The following CPS1 variants were observed in gnomAD, a reference collection of about 807,000 sequenced individuals.
CPS1 encodes carbamoyl-phosphate synthase [ammonia], mitochondrial.
A neutral mutation model predicts 174.6 loss-of-function variants in CPS1; 109 were observed. The observed-to-expected ratio is 0.62, with a 90% CI of 0.53 to 0.73. The LOEUF (loss-of-function observed/expected upper bound fraction) is 0.73, where lower values mean the gene tolerates loss of function less well. CPS1 is among the 30% of genes least tolerant of loss of function. The pLI, the probability that CPS1 is intolerant of heterozygous loss-of-function variation, is 0.00. For missense variants in CPS1, 1,689 were observed against 1,821.9 expected (o/e 0.93, Z 1.33); for synonymous variants, 637 against 632.0 (o/e 1.01, Z -0.12).
chr2:210,541,533 C>A (rs943145947), intron 1 of CPS1, among the ~76,000 whole-genome samples: 21 of 152,102 alleles, frequency 1.4e-4, no homozygotes, highest in African/African-American at 4.8e-4. Flanking sequence ...AGGGCTTTTA[C>A]CCCTCTTATG....
At position 210,622,913 on chromosome 2, in the gene CPS1, T is replaced by C. The variant is rs1477136002; in HGVS notation, c.2687+6372T>C. ...TGTTTTTTTGGTTTCTTTAGCTATT[T>C]CTGACTGACATATCCAGCTTGGAGA... On this transcript the variant is annotated intron_variant, in intron 21 of 37. Coordinates refer to ENST00000233072, the MANE Select transcript of CPS1 (RefSeq NM_001875.5). Among the ~76,000 whole-genome samples, 4 of 152,086 alleles carry C rather than the reference T, an allele frequency of 2.6e-5. No homozygotes were observed. The East Asian group carries it at 7.7e-4, about 29-fold the overall frequency.
intron 1 of CPS1, among the ~76,000 whole-genome samples, chr2:210,513,475 G>A (rs945766924): frequency 4.6e-5 from 7 of 151,164 alleles, no homozygotes; most frequent in South Asian, 2.1e-4. Flanking sequence ...GAAGACATAC[G>A]TTGTATGTCT....
At chr2:210,593,426 TG>T in intron 11 of CPS1, 1 of 1,032,526 alleles carries the variant, frequency 9.7e-7, no homozygotes. Flanking sequence ...AGGGCATGCA[TG>T]CACATACATA....
At chr2:210,569,070 T>G (rs1290302343) in intron 1 of CPS1, among the ~76,000 whole-genome samples, 4 of 152,084 alleles carry the variant, frequency 2.6e-5, no homozygotes, top group African/African-American at 9.7e-5. Context: ...TTCACTAAAG[T>G]GTGAACAAAG....
chr2:210,664,032 C>G (rs1387095058), intron 33 of CPS1, among the ~76,000 whole-genome samples: 1 of 152,148 alleles, frequency 6.6e-6, no homozygotes, highest in Non-Finnish European at 1.5e-5. Flanking sequence ...CAAGCAAGAT[C>G]TGTGATGAGA....
At chr2:210,499,642 C>T (rs1362650347) in intron 1 of CPS1, among the ~76,000 whole-genome samples, 1 of 152,168 alleles carries the variant, frequency 6.6e-6, no homozygotes, top group Non-Finnish European at 1.5e-5. Flanking sequence ...GCAGCTTTTC[C>T]CTGTGTCTTT....
intron 2 of CPS1, 46 bp downstream of exon 2, chr2:210,573,453 A>G: frequency 1.5e-6 from 2 of 1,372,118 alleles, no homozygotes; most frequent in Non-Finnish European, 2.1e-6. Context: ...TAGTAGAGAA[A>G]TAACTGGAAG....
chr2:210,487,564 G>A (rs1694763218), intron 1 of CPS1, among the ~76,000 whole-genome samples: 1 of 152,190 alleles, frequency 6.6e-6, no homozygotes, highest in Non-Finnish European at 1.5e-5. Flanking sequence ...GGAATGAGGG[G>A]TGAGGACTTT....
intron 34 of CPS1, 129 bp from the exon 35 acceptor site, chr2:210,674,773 G>C (rs182698758): frequency 1.1e-5 from 9 of 789,120 alleles, no homozygotes; most frequent in African/African-American, 1.0e-4. Context: ...GATAAAACTT[G>C]TCATTTTTTA....
chr2:210,514,901 T>A (rs1695636983), intron 1 of CPS1, among the ~76,000 whole-genome samples: 1 of 151,254 alleles, frequency 6.6e-6, no homozygotes, highest in Admixed American at 6.6e-5. Flanking sequence ...TTTTTTTTAA[T>A]CATTAAGCGA....
At chr2:210,615,467 G>A (rs1699275281) in intron 20 of CPS1, among the ~76,000 whole-genome samples, 1 of 151,846 alleles carries the variant, frequency 6.6e-6, no homozygotes, top group Non-Finnish European at 1.5e-5. Flanking sequence ...TAAGCTCCCT[G>A]GGCTGAAATA....
Position 210,608,383 on chromosome 2 carries a change from G to A in CPS1, c.2215G>A (p.Ala739Thr), listed in dbSNP as rs755140358. The A allele has an allele frequency of 6.2e-7, 1 of 1,612,122 alleles. No individual in the cohort carries two copies. Among genetic ancestry groups the A allele is most frequent in the Non-Finnish European group, 8.5e-7 (1 of 1,178,810 alleles). The change falls in exon 19 of 38, where the codon GCA (alanine) becomes ACA (threonine). Residue 739 changes from alanine to threonine, a missense_variant. Coordinates refer to ENST00000233072, the MANE Select transcript of CPS1 (RefSeq NM_001875.5). ...ATGYPLAFIA[A>T]KIALGIPLPE... The stretch of plus-strand genomic sequence containing the variant: ...TAGCTACCCATTGGCATTCATTGCT[G>A]CAAAGATTGCCCTAGGAATCCCACT...
In CPS1 at chr2:210,514,494, A is replaced by G. The variant is rs551022598; in HGVS notation, c.3+36728A>G. Among the ~76,000 whole-genome samples the G allele has an allele frequency of 3.3e-5, 5 of 151,834 alleles. No individual in the cohort carries two copies. The South Asian group carries it at 8.3e-4, about 25-fold the overall frequency. On this transcript the variant is annotated intron_variant, in intron 1 of 38. Transcript: ENST00000430249. ...GGCTCTCAGCTTGAACATTATTGGT[A>G]TATGGAAATGCTCTGGATTTTTGTA...
chr2:210,658,363 A>G (rs1375466059), intron 30 of CPS1: 1 of 445,084 alleles, frequency 2.2e-6, no homozygotes, highest in Non-Finnish European at 4.2e-6. Context: ...TTTGGCAGAG[A>G]GATAATCGTG....
intron 6 of CPS1, among the ~76,000 whole-genome samples, chr2:210,584,911 G>A (rs999770177): frequency 2.6e-5 from 4 of 152,020 alleles, no homozygotes; most frequent in African/African-American, 9.7e-5. Context: ...GCCTGAATAT[G>A]TTTGTTTGCT....
At chr2:210,649,729 C>T (rs886159652) in intron 27 of CPS1, among the ~76,000 whole-genome samples, 1 of 152,066 alleles carries the variant, frequency 6.6e-6, no homozygotes, top group African/African-American at 2.4e-5. Context: ...TCTGTTACTC[C>T]TCCTCTCCTA....
intron 10 of CPS1, among the ~76,000 whole-genome samples, chr2:210,592,271 TG>T (rs780002413): frequency 5.1e-4 from 78 of 152,058 alleles, no homozygotes; most frequent in Non-Finnish European, 9.0e-4. Context: ...CCTGTTTGTT[TG>T]TGATTTTTTT....
intron 1 of CPS1, among the ~76,000 whole-genome samples, chr2:210,501,041 C>G (rs559853244): frequency 6.6e-6 from 1 of 152,182 alleles, no homozygotes; most frequent in East Asian, 1.9e-4. Flanking sequence ...GTGGAAACTG[C>G]CAGGCTTGGG....
chr2:210,632,547 C>G (rs559761773), intron 21 of CPS1, among the ~76,000 whole-genome samples: 1 of 152,166 alleles, frequency 6.6e-6, no homozygotes, highest in South Asian at 2.1e-4. Context: ...AGAGAGAAAA[C>G]AGAGGAGAGG....
Sources: allele counts gnomAD v4.1 joint callset (sites outside exome capture counted in the v4.1 genomes callset), GRCh38; gene constraint gnomAD v4.1.1; transcripts MANE v1.5; gene names NCBI Gene and HGNC (gene_info 2026-07-23, HGNC 2026-07-21).